The following TRPC4 variants were observed in gnomAD, a reference collection of about 807,000 sequenced individuals.
The protein encoded by TRPC4 is transient receptor potential cation channel subfamily C member 4.
A neutral mutation model predicts 99.4 loss-of-function variants in TRPC4; 49 were observed. That is an observed-to-expected ratio of 0.49 (90% CI 0.39 to 0.63). TRPC4 has a LOEUF of 0.63. Ranked by LOEUF, TRPC4 falls within the 20% of genes least tolerant of loss-of-function variation. The pLI is 0.00. For synonymous variants in TRPC4, 454 were observed against 425.9 expected, an observed-to-expected ratio of 1.07 and a Z score of -0.81; for missense variants, 898 against 1,152.9, an observed-to-expected ratio of 0.78 and a Z score of 3.20.
chr13:37,766,275 C>G (rs1321008296), intron 2 of TRPC4, among the ~76,000 whole-genome samples: 1 of 151,370 alleles, frequency 6.6e-6, no homozygotes, highest in South Asian at 2.1e-4. Context: ...CATGGATCCT[C>G]ACATCTTAAC....
chr13:37,813,164 T>C (rs1242252390), intron 1 of TRPC4, among the ~76,000 whole-genome samples: 2 of 151,732 alleles, frequency 1.3e-5, no homozygotes, highest in Non-Finnish European at 2.9e-5. Flanking sequence ...AATCAATAAA[T>C]CAAAGAAGAA....
In TRPC4 at chr13:37,637,186, A is replaced by T; in HGVS notation, c.2651T>A (p.Ile884Asn). The stretch of plus-strand genomic sequence containing the variant: ...AGCTAATCCTCGAGATTCCAGTTGA[A>T]TATTTCTCTCAAGTGGTCCTGCAGC... Reference protein sequence around the residue: ...QQAAGPLERNIQLESRGLASR... With the variant: ...QQAAGPLERNNQLESRGLASR... Residue 884 changes from isoleucine (I) to asparagine (N), a missense_variant, in exon 11 of 11, where the codon ATT (isoleucine) becomes AAT (asparagine). This residue lies in a region of TRPC4 where 346 missense variants were observed against 351.4 expected (regional missense o/e 0.98). Transcript: ENST00000379705. The T allele has an allele frequency of 6.2e-7, 1 of 1,613,832 alleles. No individual in the cohort carries two copies. The highest frequency in any genetic ancestry group is 1.1e-5 in the South Asian group (1 of 91,076).
intron 1 of TRPC4, among the ~76,000 whole-genome samples, chr13:37,835,149 C>G (rs1169956010): frequency 6.6e-6 from 1 of 151,940 alleles, no homozygotes; most frequent in Non-Finnish European, 1.5e-5. Context: ...AACCTGTTTT[C>G]TAGCAACAAT....
chr13:37,713,453 T>C (rs540260180), intron 3 of TRPC4, among the ~76,000 whole-genome samples: 11 of 152,348 alleles, frequency 7.2e-5, no homozygotes, highest in African/African-American at 2.6e-4. Context: ...CAACTTTTCT[T>C]TTCTTTCTTT....
At position 37,633,183 on chromosome 13, in the gene TRPC4, ATGGT is replaced by A. The variant is rs1327535702; in HGVS notation, c.*3716_*3719del. ...TTTCAGACATTGTAAAATCAGAATA[ATGGT>A]TTTGAAGTTAAGAGGAATGCCAGTA... is the stretch of plus-strand genomic sequence containing the variant. On this transcript the variant is annotated 3_prime_UTR_variant, in exon 11 of 11. Transcript: ENST00000379705. Among the ~76,000 whole-genome samples the A allele has an allele frequency of 6.6e-6, 1 of 152,198 alleles. No homozygotes were observed. Among genetic ancestry groups the A allele is most frequent in the Non-Finnish European group, 1.5e-5 (1 of 68,036 alleles).
At chr13:37,652,648 T>C (rs1455340816) in intron 7 of TRPC4, among the ~76,000 whole-genome samples, 4 of 656 alleles carry the variant, frequency 6.1e-3, no homozygotes, top group African/African-American at 8.7e-3. Context: ...GACAAGTTTA[T>C]AGGTTCTGGC....
intron 1 of TRPC4, among the ~76,000 whole-genome samples, chr13:37,806,727 C>G (rs531961405): frequency 6.6e-6 from 1 of 151,960 alleles, no homozygotes; most frequent in African/African-American, 2.4e-5. Flanking sequence ...GTCTTCGAAG[C>G]AAAACTGAGA....
At chr13:37,687,513 A>G (rs1458230637) in intron 4 of TRPC4, among the ~76,000 whole-genome samples, 1 of 152,206 alleles carries the variant, frequency 6.6e-6, no homozygotes, top group African/African-American at 2.4e-5. Flanking sequence ...ACTACGTATT[A>G]TCTTCAGAAA....
intron 1 of TRPC4, among the ~76,000 whole-genome samples, chr13:37,833,104 T>G (rs1247429998): frequency 6.6e-6 from 1 of 152,168 alleles, no homozygotes; most frequent in African/African-American, 2.4e-5. Flanking sequence ...CATTATTGAT[T>G]TGGTGCTTTT....
intron 3 of TRPC4, among the ~76,000 whole-genome samples, chr13:37,715,919 C>T (rs975013850): frequency 6.6e-6 from 1 of 152,140 alleles, no homozygotes; most frequent in Non-Finnish European, 1.5e-5. Context: ...ATGACAGATA[C>T]AGCGAAGTGA....
At chr13:37,736,598 A>G (rs1003991355) in intron 3 of TRPC4, among the ~76,000 whole-genome samples, 1 of 152,184 alleles carries the variant, frequency 6.6e-6, no homozygotes, top group Non-Finnish European at 1.5e-5. Context: ...AGTTGTTTTG[A>G]AAGCCTATAA....
Position 37,716,540 on chromosome 13 carries a change from C to T in TRPC4, c.898-24205G>A, listed in dbSNP as rs187590746. On this transcript the variant is annotated intron_variant, in intron 3 of 10. Coordinates refer to ENST00000379705, the MANE Select transcript of TRPC4 (RefSeq NM_016179.4). The stretch of plus-strand genomic sequence containing the variant: ...AAGAAAACTTCTAGGCTGAGTTATT[C>T]TTTTTCAAAATAAAGTTGAACTCTG... Among the ~76,000 whole-genome samples, 9 of 152,110 alleles carry T rather than the reference C, an allele frequency of 5.9e-5. No individual in the cohort carries two copies. The East Asian group carries it at 1.6e-3, about 26-fold the overall frequency.
At chr13:37,824,826 G>A (rs1391928883) in intron 1 of TRPC4, among the ~76,000 whole-genome samples, 2 of 152,046 alleles carry the variant, frequency 1.3e-5, no homozygotes, top group South Asian at 2.1e-4. Flanking sequence ...TCTATTGATT[G>A]GAATAGTTTC....
chr13:37,829,365 C>T (rs1958342665), intron 1 of TRPC4, among the ~76,000 whole-genome samples: 1 of 152,178 alleles, frequency 6.6e-6, no homozygotes, highest in South Asian at 2.1e-4. Context: ...AAACATGCTC[C>T]ATATCATAAG....
chr13:37,846,155 C>T lies in TRPC4; in HGVS notation c.-28+23440G>A, dbSNP rs141925258. On this transcript the variant is annotated intron_variant, in intron 1 of 10. Transcript: ENST00000379705. The stretch of plus-strand genomic sequence containing the variant: ...GCTAAGAGCATACATCACCACTAGG[C>T]GTGATTTATAGGAATTGCTAAAAGT... Among the ~76,000 whole-genome samples, 756 of 152,074 alleles carry T rather than the reference C, an allele frequency of 5.0e-3. 5 individuals are homozygous for T. Among genetic ancestry groups the T allele is most frequent in the Non-Finnish European group, 7.2e-3 (489 of 67,970 alleles).
intron 3 of TRPC4, among the ~76,000 whole-genome samples, chr13:37,717,426 T>C (rs1467887068): frequency 6.6e-6 from 1 of 152,140 alleles, no homozygotes; most frequent in Non-Finnish European, 1.5e-5. Context: ...CTAGAATGTA[T>C]ACTGAAAGGG....
rs530187527 is a variant in TRPC4, at chr13:37,667,893, T to G, written c.1375-4164A>C. 2.0e-4 allele frequency among the ~76,000 whole-genome samples: 30 copies of G among 152,322 alleles called. No individual in the cohort carries two copies. In the South Asian group the frequency reaches 5.4e-3, roughly 27 times the overall value. On this transcript the variant is annotated intron_variant, in intron 5 of 10. Coordinates refer to ENST00000379705, the MANE Select transcript of TRPC4 (RefSeq NM_016179.4). The stretch of plus-strand genomic sequence containing the variant: ...CCATTTCTCTAGAATGAATTTAAAT[T>G]CCAATTATTTTGTTATTCATTCATC...
At chr13:37,833,410 C>A (rs188547496) in intron 1 of TRPC4, among the ~76,000 whole-genome samples, 1 of 152,270 alleles carries the variant, frequency 6.6e-6, no homozygotes, top group East Asian at 1.9e-4. Flanking sequence ...CTTTCACAAC[C>A]ATCTGGGCAT....
At chr13:37,711,984 G>A (rs1007638388) in intron 3 of TRPC4, among the ~76,000 whole-genome samples, 1 of 151,444 alleles carries the variant, frequency 6.6e-6, no homozygotes, top group African/African-American at 2.4e-5. Flanking sequence ...TTTGTACCAA[G>A]CCTTTGAAAT....
Sources: allele counts gnomAD v4.1 joint callset (sites outside exome capture counted in the v4.1 genomes callset), GRCh38; gene constraint gnomAD v4.1.1; regional missense constraint gnomAD v4.1.1; transcripts MANE v1.5; gene names NCBI Gene and HGNC (gene_info 2026-07-23, HGNC 2026-07-21).